Variants in CDYL observed in about 807,000 individuals in gnomAD.
CDYL encodes the protein chromodomain Y like, also known as chromodomain Y-like protein.
Under a neutral mutation model 47.3 loss-of-function variants are expected in CDYL, and 8 were observed. The ratio of observed to expected loss-of-function variants is 0.17; its 90% confidence interval spans 0.10 to 0.31. The LOEUF is 0.31. Ranked by LOEUF, CDYL falls within the 10% of genes least tolerant of loss-of-function variation. The pLI is 1.00. For missense variants in CDYL, 471 were observed against 701.4 expected, an observed-to-expected ratio of 0.67 and a Z score of 3.71; for synonymous variants, 266 against 265.0, an observed-to-expected ratio of 1.00 and a Z score of -0.04.
intron 1 of CDYL, among the ~76,000 whole-genome samples, chr6:4,867,772 G>GT (rs36074293): frequency 0.028 from 3,642 of 132,020 alleles, 59 homozygotes; most frequent in Middle Eastern, 0.092. Context: ...TTGTTGTGGG[G>GT]TTTTTTTTTT....
intron 1 of CDYL, among the ~76,000 whole-genome samples, chr6:4,798,618 TATCTTCATAAG>T (rs746383522): frequency 1.3e-5 from 2 of 152,228 alleles, no homozygotes; most frequent in Non-Finnish European, 2.9e-5. Flanking sequence ...GAATTGTGTC[TATCTTCATAAG>T]GTATGTCAGT....
intron 3 of CDYL, among the ~76,000 whole-genome samples, chr6:4,753,805 C>T (rs567462304): frequency 2.0e-5 from 3 of 152,226 alleles, no homozygotes; most frequent in Non-Finnish European, 4.4e-5. Flanking sequence ...TACTAAACAA[C>T]TTTTTAATCT....
At chr6:4,896,049 C>T (rs527269049) in intron 2 of CDYL, among the ~76,000 whole-genome samples, 2 of 152,314 alleles carry the variant, frequency 1.3e-5, no homozygotes, top group African/African-American at 2.4e-5. Flanking sequence ...TCACTTCTGC[C>T]TGGGCGCTGG....
intron 2 of CDYL, among the ~76,000 whole-genome samples, chr6:4,902,358 A>G (rs1757091269): frequency 6.6e-6 from 1 of 151,318 alleles, no homozygotes; most frequent in Non-Finnish European, 1.5e-5. Context: ...GTGAGCCAAG[A>G]TCGCACCATT....
chr6:4,915,654 A>G (rs1053806622), intron 2 of CDYL, among the ~76,000 whole-genome samples: 57 of 152,212 alleles, frequency 3.7e-4, no homozygotes, highest in African/African-American at 1.4e-3. Context: ...CATGACAGAT[A>G]ATAGGTGCCC....
chr6:4,742,675 T>C (rs1757818399), intron 3 of CDYL, among the ~76,000 whole-genome samples: 1 of 152,244 alleles, frequency 6.6e-6, no homozygotes, highest in African/African-American at 2.4e-5. Context: ...AAAGACTCCC[T>C]TTGGGGGCAG....
chr6:4,727,612 T>C (rs1246963773), intron 2 of CDYL, among the ~76,000 whole-genome samples: 1 of 67,100 alleles, frequency 1.5e-5, no homozygotes, highest in Non-Finnish European at 2.6e-5. Flanking sequence ...CTCCACCAAA[T>C]GAAATTAAAT....
chr6:4,952,494 C>A, intron 6 of CDYL, 85 bp downstream of exon 6: 3 of 1,460,304 alleles, frequency 2.1e-6, no homozygotes, highest in Non-Finnish European at 2.8e-6. Context: ...GCAATTATTC[C>A]TAAGTCCTTT....
intron 1 of CDYL, chr6:4,836,421 A>G (rs1453805749): frequency 3.9e-6 from 1 of 259,484 alleles, no homozygotes; most frequent in East Asian, 1.8e-4. Flanking sequence ...TTTACTTTTT[A>G]TTTTTTTCCT....
intron 1 of CDYL, among the ~76,000 whole-genome samples, chr6:4,780,169 AG>A (rs1758572612): frequency 6.6e-6 from 1 of 151,684 alleles, no homozygotes; most frequent in Non-Finnish European, 1.5e-5. Context: ...TCCCAGCTCT[AG>A]ACTTAGAGCT....
chr6:4,713,485 C>T (rs532640898), intron 1 of CDYL, among the ~76,000 whole-genome samples: 12 of 152,202 alleles, frequency 7.9e-5, no homozygotes, highest in Admixed American at 1.3e-4. Context: ...AAAGACAACT[C>T]GACTCTATCT....
At chr6:4,801,446 C>T (rs1297851834) in intron 1 of CDYL, among the ~76,000 whole-genome samples, 1 of 152,208 alleles carries the variant, frequency 6.6e-6, no homozygotes, top group Non-Finnish European at 1.5e-5. Context: ...GAAAGTTGGA[C>T]ATATGCTGTA....
intron 1 of CDYL, among the ~76,000 whole-genome samples, chr6:4,861,427 G>A (rs1389783747): frequency 6.6e-6 from 1 of 152,188 alleles, no homozygotes; most frequent in South Asian, 2.1e-4. Context: ...AGCCAGAGAT[G>A]CTGTCCTTGG....
chr6:4,823,324 C>G (rs1264493040), intron 1 of CDYL, among the ~76,000 whole-genome samples: 4 of 152,160 alleles, frequency 2.6e-5, no homozygotes, highest in African/African-American at 9.7e-5. Flanking sequence ...ACATAACATA[C>G]CTACTAAAAT....
At chr6:4,755,362 C>T (rs974870957) in intron 3 of CDYL, among the ~76,000 whole-genome samples, 8 of 152,174 alleles carry the variant, frequency 5.3e-5, no homozygotes, top group Admixed American at 1.3e-4. Flanking sequence ...TGAGCCACCA[C>T]GCCCGACCAC....
At chr6:4,772,128 T>C (rs968253886), upstream of CDYL, among the ~76,000 whole-genome samples, 1 of 152,232 alleles carries the variant, frequency 6.6e-6, no homozygotes, top group Non-Finnish European at 1.5e-5. Context: ...AAATGATCCT[T>C]AATTGTAGAT....
At chr6:4,818,117 A>T (rs1042868467) in intron 1 of CDYL, among the ~76,000 whole-genome samples, 1 of 152,080 alleles carries the variant, frequency 6.6e-6, no homozygotes, top group African/African-American at 2.4e-5. Flanking sequence ...TCAGCTGGGT[A>T]TGGTGGCACA....
chr6:4,754,621 C>G (rs889252918), intron 3 of CDYL, among the ~76,000 whole-genome samples: 3 of 152,096 alleles, frequency 2.0e-5, no homozygotes, highest in Non-Finnish European at 4.4e-5. Context: ...AGCTATTTCC[C>G]AACAGCTTTT....
At chr6:4,714,615 AT>A (rs1464089356) in intron 1 of CDYL, 1 of 152,222 alleles carries the variant, frequency 6.6e-6, no homozygotes, top group Non-Finnish European at 1.5e-5. Flanking sequence ...GCTTCTGCAG[AT>A]TTCAGCTACC....
Sources: allele counts gnomAD v4.1 joint callset (sites outside exome capture counted in the v4.1 genomes callset), GRCh38; gene constraint gnomAD v4.1.1; transcripts MANE v1.5; gene names NCBI Gene and HGNC (gene_info 2026-07-23, HGNC 2026-07-21).